The following MKLN1 variants were observed in gnomAD, a reference collection of about 807,000 sequenced individuals.
MKLN1 encodes muskelin.
In MKLN1, 18 loss-of-function variants were observed where a neutral mutation model predicts 99.0. That is an observed-to-expected ratio of 0.18 (90% CI 0.13 to 0.27). The LOEUF is 0.27. Among genes scored for constraint, MKLN1 ranks in the 10% least tolerant of loss-of-function variants. The pLI is 1.00. For missense variants in MKLN1, 621 were observed against 875.9 expected, an observed-to-expected ratio of 0.71 and a Z score of 3.67; for synonymous variants, 288 against 293.2, an observed-to-expected ratio of 0.98 and a Z score of 0.18.
At chr7:131,160,264 T>C (rs1458767314) in intron 2 of MKLN1, among the ~76,000 whole-genome samples, 3 of 152,116 alleles carry the variant, frequency 2.0e-5, no homozygotes, top group Non-Finnish European at 4.4e-5. Context: ...TTGTTGTGGC[T>C]GAAAAAGATT....
chr7:131,367,734 T>A (rs528631602), intron 1 of MKLN1, among the ~76,000 whole-genome samples: 2 of 152,324 alleles, frequency 1.3e-5, no homozygotes, highest in African/African-American at 4.8e-5. Flanking sequence ...ATTCTTTGTC[T>A]TAGAATTTTA....
rs73153483 is a variant in MKLN1 at position 131,378,134 on chromosome 7, C to T, written c.168+2641C>T. Among the ~76,000 whole-genome samples, 885 of 151,912 alleles carry T rather than the reference C, an allele frequency of 5.8e-3. 9 individuals are homozygous for T. Among genetic ancestry groups the T allele is most frequent in the African/African-American group, 0.02 (818 of 41,420 alleles). On this transcript the variant is annotated intron_variant, in intron 2 of 17. Coordinates refer to ENST00000352689, the MANE Select transcript of MKLN1 (RefSeq NM_013255.5). ...ATTTGTTTATTTATTTTTTTGAGAC[C>T]GAATTTTGCTCTTGTCATCCAGGCT...
At chr7:131,180,509 G>A (rs1563243146) in intron 2 of MKLN1, among the ~76,000 whole-genome samples, 1 of 152,044 alleles carries the variant, frequency 6.6e-6, no homozygotes, top group Non-Finnish European at 1.5e-5. Context: ...GACCAGCATG[G>A]CCAACATGGT....
chr7:131,448,421 A>T (rs1204324547), intron 12 of MKLN1, among the ~76,000 whole-genome samples: 1 of 152,186 alleles, frequency 6.6e-6, no homozygotes, highest in Non-Finnish European at 1.5e-5. Flanking sequence ...TGTGGCAATT[A>T]TTCTTTTTAT....
intron 3 of MKLN1, among the ~76,000 whole-genome samples, chr7:131,308,211 CT>C: frequency 6.6e-6 from 1 of 151,728 alleles, no homozygotes. Flanking sequence ...CCATATGGAA[CT>C]GTGAGTCAAT....
Position 131,397,301 on chromosome 7 carries a change from T to C in MKLN1, c.435T>C (p.Phe145=), listed in dbSNP as rs1794389591. ...TGTCCTGGGGACCCAGCTTTAACTT[T>C]AGCATCTGGTATGTTGAACTTAGTG... is the stretch of plus-strand genomic sequence containing the variant. ...PLLSWGPSFN[F]SIWYVELSGI... is the part of the protein sequence containing the mutation. Residue 145 remains phenylalanine (F), a synonymous_variant, in exon 5 of 18, where the codon TTT becomes TTC. Transcript: ENST00000352689. 11 of 1,613,022 alleles carry C rather than the reference T, an allele frequency of 6.8e-6. No individual in the cohort carries two copies. The highest frequency in any genetic ancestry group is 1.1e-5 in the South Asian group (1 of 90,962).
intron 9 of MKLN1, among the ~76,000 whole-genome samples, chr7:131,431,612 T>G (rs1044540077): frequency 6.6e-5 from 10 of 152,180 alleles, no homozygotes; most frequent in African/African-American, 2.4e-4. Context: ...ATCAATTTTT[T>G]TCTTGCCCTG....
At chr7:131,164,475 G>A (rs1395613246) in intron 2 of MKLN1, among the ~76,000 whole-genome samples, 1 of 152,048 alleles carries the variant, frequency 6.6e-6, no homozygotes, top group Admixed American at 6.6e-5. Flanking sequence ...AAGAAACATG[G>A]CAACTGGACT....
intron 2 of MKLN1, among the ~76,000 whole-genome samples, chr7:131,155,532 C>T (rs1282759080): frequency 3.9e-5 from 6 of 152,038 alleles, no homozygotes; most frequent in South Asian, 4.2e-4. Context: ...CTTCACAGAA[C>T]TCATTATATG....
chr7:131,212,183 T>C (rs983694080), intron 3 of MKLN1, among the ~76,000 whole-genome samples: 2 of 152,236 alleles, frequency 1.3e-5, no homozygotes, highest in Non-Finnish European at 2.9e-5. Flanking sequence ...GTATCCAAAA[T>C]GTTTCCTCTT....
At chr7:131,231,312 T>C (rs1431863671) in intron 3 of MKLN1, among the ~76,000 whole-genome samples, 2 of 151,950 alleles carry the variant, frequency 1.3e-5, no homozygotes, top group Non-Finnish European at 1.5e-5. Flanking sequence ...CAAAAGATAG[T>C]TGGGACAAAG....
intron 10 of MKLN1, among the ~76,000 whole-genome samples, chr7:131,442,918 G>GGC (rs767361594): frequency 1.3e-5 from 2 of 152,204 alleles, no homozygotes; most frequent in Non-Finnish European, 2.9e-5. Flanking sequence ...GTTAAAAGTA[G>GGC]GCAGAGTTCT....
chr7:131,367,661 T>C (rs1019173790), intron 1 of MKLN1, among the ~76,000 whole-genome samples: 2 of 152,208 alleles, frequency 1.3e-5, no homozygotes, highest in African/African-American at 4.8e-5. Context: ...CTGCCTTATT[T>C]CTCTTTTATT....
chr7:131,196,402 G>C (rs1563249098), intron 2 of MKLN1, among the ~76,000 whole-genome samples: 1 of 152,136 alleles, frequency 6.6e-6, no homozygotes, highest in Non-Finnish European at 1.5e-5. Flanking sequence ...TCATCAAAGC[G>C]AATGTGTCTG....
At chr7:131,187,129 T>C (rs1796462762) in intron 2 of MKLN1, among the ~76,000 whole-genome samples, 1 of 152,216 alleles carries the variant, frequency 6.6e-6, no homozygotes, top group African/African-American at 2.4e-5. Context: ...AGCTGTGGGA[T>C]GAAACAAAAC....
At chr7:131,283,143 T>G (rs1798076497) in intron 3 of MKLN1, among the ~76,000 whole-genome samples, 1 of 152,180 alleles carries the variant, frequency 6.6e-6, no homozygotes, top group Non-Finnish European at 1.5e-5. Flanking sequence ...AGATCAAACT[T>G]TTATTTTCTG....
At chr7:131,393,839 T>A (rs535810961) in intron 4 of MKLN1, among the ~76,000 whole-genome samples, 1 of 152,252 alleles carries the variant, frequency 6.6e-6, no homozygotes, top group East Asian at 1.9e-4. Flanking sequence ...ATTTCCAGGC[T>A]GGTCTTGAAC....
intron 3 of MKLN1, among the ~76,000 whole-genome samples, chr7:131,294,998 C>T (rs1023314032): frequency 6.6e-6 from 1 of 152,266 alleles, no homozygotes; most frequent in South Asian, 2.1e-4. Context: ...CTCTTAATGA[C>T]TTTCCCTTTG....
chr7:131,291,580 T>TTATATA (rs34732483), intron 3 of MKLN1, among the ~76,000 whole-genome samples: 27 of 145,180 alleles, frequency 1.9e-4, no homozygotes, highest in African/African-American at 6.1e-4. Context: ...CTTTCATTTA[T>TTATATA]TATATATATA....
Sources: gnomAD v4.1 joint callset for allele counts (sites outside exome capture counted in the v4.1 genomes callset) on GRCh38, gnomAD v4.1.1 for gene constraint, MANE v1.5 for transcripts, NCBI Gene and HGNC (gene_info 2026-07-23, HGNC 2026-07-21) for gene names.